NBAS: variants seen among roughly 807,000 people sequenced by gnomAD.
The protein encoded by NBAS is NAG/BC035112 fusion.
In NBAS, 219 loss-of-function variants were observed where a neutral mutation model predicts 302.5. The ratio of observed to expected loss-of-function variants is 0.72; its 90% CI spans 0.65 to 0.81. NBAS has a LOEUF of 0.81. Among genes scored for constraint, NBAS ranks in the 30% least tolerant of loss-of-function variants. The pLI is 0.00. For synonymous variants in NBAS, 1,118 were observed against 1,021.6 expected (o/e 1.09, Z -1.80); for missense variants, 2,932 against 2,841.6 (o/e 1.03, Z -0.72).
the NBAS span, among the ~76,000 whole-genome samples, chr2:15,011,931 A>C: frequency 6.6e-6 from 1 of 152,232 alleles, no homozygotes; most frequent in Admixed American, 6.5e-5. Flanking sequence ...ATTTTCCTAA[A>C]AAATCTACTC....
chr2:14,932,037 C>A, the NBAS span, among the ~76,000 whole-genome samples: 1 of 152,152 alleles, frequency 6.6e-6, no homozygotes, highest in Non-Finnish European at 1.5e-5. Flanking sequence ...ATACGTATCA[C>A]CTTACAGCAG....
At chr2:15,482,191 C>T (rs1299735923) in intron 12 of NBAS, among the ~76,000 whole-genome samples, 5 of 152,134 alleles carry the variant, frequency 3.3e-5, no homozygotes, top group Admixed American at 6.5e-5. Flanking sequence ...AGTGCAGTGG[C>T]GTGGTCACGG....
chr2:14,867,773 T>A, the NBAS span, among the ~76,000 whole-genome samples: 2 of 152,250 alleles, frequency 1.3e-5, no homozygotes, highest in African/African-American at 2.4e-5. Flanking sequence ...AAGGACCATG[T>A]TTATACATTT....
At chr2:15,127,289 T>C in the NBAS span, among the ~76,000 whole-genome samples, 1 of 152,246 alleles carries the variant, frequency 6.6e-6, no homozygotes, top group Non-Finnish European at 1.5e-5. Context: ...TTAGATTTAA[T>C]TGAAAAATCC....
At chr2:15,523,368 T>C (rs1355943081) in intron 9 of NBAS, among the ~76,000 whole-genome samples, 1 of 152,172 alleles carries the variant, frequency 6.6e-6, no homozygotes, top group Admixed American at 6.5e-5. Flanking sequence ...GTACTGAACA[T>C]GTATAGACTT....
At chr2:15,107,456 C>G in the NBAS span, among the ~76,000 whole-genome samples, 2 of 152,022 alleles carry the variant, frequency 1.3e-5, no homozygotes, top group Non-Finnish European at 2.9e-5. Flanking sequence ...GACAGGGTAG[C>G]AGATATTGAA....
intron 26 of NBAS, among the ~76,000 whole-genome samples, chr2:15,399,806 A>T (rs1310191184): frequency 2.1e-4 from 5 of 23,632 alleles, no homozygotes; most frequent in Non-Finnish European, 5.6e-4. Context: ...ATCTTCTTTA[A>T]AAAAAATCCA....
At chr2:14,819,749 T>C in the NBAS span, among the ~76,000 whole-genome samples, 1 of 152,180 alleles carries the variant, frequency 6.6e-6, no homozygotes, top group Non-Finnish European at 1.5e-5. Context: ...GAGAAAATAC[T>C]TGCAAACTAC....
At chr2:14,962,566 C>T in the NBAS span, among the ~76,000 whole-genome samples, 3 of 152,092 alleles carry the variant, frequency 2.0e-5, no homozygotes, top group African/African-American at 7.2e-5. Context: ...CCCCTTTTCA[C>T]AGTTGTTGTT....
chr2:15,394,819 T>C (rs1423947861), intron 27 of NBAS, among the ~76,000 whole-genome samples: 1 of 152,070 alleles, frequency 6.6e-6, no homozygotes, highest in Non-Finnish European at 1.5e-5. Flanking sequence ...ATTTTATAAA[T>C]ATACAAGATA....
At chr2:15,552,912 C>T (rs1400063245) in intron 5 of NBAS, among the ~76,000 whole-genome samples, 1 of 151,774 alleles carries the variant, frequency 6.6e-6, no homozygotes, top group East Asian at 1.9e-4. Context: ...TCAAGCAGTT[C>T]TCCTGCCTCA....
At chr2:14,974,201 T>C in the NBAS span, among the ~76,000 whole-genome samples, 339 of 152,354 alleles carry the variant, frequency 2.2e-3, no homozygotes, top group African/African-American at 7.9e-3. Flanking sequence ...GAAGATACCA[T>C]GTCTTCCCTG....
At chr2:14,798,347 TAA>T in the NBAS span, among the ~76,000 whole-genome samples, 14 of 152,306 alleles carry the variant, frequency 9.2e-5, no homozygotes, top group African/African-American at 2.4e-4. Context: ...GATGTTAATA[TAA>T]GTTTATTTTT....
chr2:14,932,860 T>A, the NBAS span, among the ~76,000 whole-genome samples: 1 of 152,194 alleles, frequency 6.6e-6, no homozygotes, highest in Non-Finnish European at 1.5e-5. Context: ...CTGCTGTCAG[T>A]ATGGTTTCTA....
At chr2:14,812,219 A>G in the NBAS span, among the ~76,000 whole-genome samples, 1 of 152,216 alleles carries the variant, frequency 6.6e-6, no homozygotes. Flanking sequence ...AATGGTGGCC[A>G]GGTTACAAGA....
At chr2:15,034,369 A>G in the NBAS span, among the ~76,000 whole-genome samples, 7 of 152,066 alleles carry the variant, frequency 4.6e-5, no homozygotes, top group Non-Finnish European at 8.8e-5. Context: ...GGGCGAGCAG[A>G]AAGCTTCCTG....
chr2:14,944,862 G>C, the NBAS span, among the ~76,000 whole-genome samples: 1 of 152,126 alleles, frequency 6.6e-6, no homozygotes. Flanking sequence ...TTCTATACCG[G>C]AAATGGTGAT....
chr2:15,267,698 A>G (rs1418177693), intron 44 of NBAS, among the ~76,000 whole-genome samples: 1 of 152,208 alleles, frequency 6.6e-6, no homozygotes, highest in African/African-American at 2.4e-5. Context: ...ATAAAGGTCA[A>G]TGTAATTTAA....
chr2:14,923,514 A>G, the NBAS span, among the ~76,000 whole-genome samples: 1 of 152,210 alleles, frequency 6.6e-6, no homozygotes, highest in African/African-American at 2.4e-5. Flanking sequence ...CAGCAGTCCC[A>G]TGGTGAACCA....
Sources: allele counts gnomAD v4.1 joint callset (sites outside exome capture counted in the v4.1 genomes callset), GRCh38; gene constraint gnomAD v4.1.1; transcripts MANE v1.5; gene names NCBI Gene and HGNC (gene_info 2026-07-23, HGNC 2026-07-21).